SEMA5A: variants seen among roughly 807,000 people sequenced by gnomAD.
SEMA5A encodes the protein semaphorin 5A, also known as semaphorin-5A.
SEMA5A carries 55 observed loss-of-function variants against 135.5 expected under a neutral mutation model. The observed-to-expected ratio is 0.41, with a 90% CI of 0.33 to 0.51. The LOEUF is 0.51. Among genes scored for constraint, SEMA5A ranks in the 20% least tolerant of loss-of-function variants. SEMA5A has a pLI of 0.37. For missense variants in SEMA5A, 1,290 were observed against 1,419.9 expected (o/e 0.91, Z 1.47); for synonymous variants, 580 against 546.5 (o/e 1.06, Z -0.85).
chr5:9,543,487 G>A (rs1204320723), intron 1 of SEMA5A, among the ~76,000 whole-genome samples: 2 of 152,150 alleles, frequency 1.3e-5, no homozygotes, highest in Non-Finnish European at 2.9e-5. Context: ...ACAGAGACAA[G>A]CTTTACCACC....
chr5:9,137,105 C>A (rs62356696), intron 12 of SEMA5A, among the ~76,000 whole-genome samples: 2 of 152,132 alleles, frequency 1.3e-5, no homozygotes, highest in Non-Finnish European at 2.9e-5. Flanking sequence ...GTTACCATCA[C>A]CATAATCATC....
chr5:9,534,372 AAAC>A (rs928398747), intron 1 of SEMA5A, among the ~76,000 whole-genome samples: 4 of 152,260 alleles, frequency 2.6e-5, no homozygotes, highest in Non-Finnish European at 5.9e-5. Context: ...ACTTTTAATT[AAAC>A]AACAACAAAT....
intron 5 of SEMA5A, among the ~76,000 whole-genome samples, chr5:9,258,185 C>G (rs1350887095): frequency 6.6e-6 from 1 of 152,182 alleles, no homozygotes; most frequent in Non-Finnish European, 1.5e-5. Context: ...AAGCTAGAAG[C>G]CTTACCATCG....
At chr5:9,157,769 G>C (rs561913063) in intron 11 of SEMA5A, among the ~76,000 whole-genome samples, 5 of 152,172 alleles carry the variant, frequency 3.3e-5, no homozygotes, top group Non-Finnish European at 7.3e-5. Context: ...CTTTGCCTGA[G>C]GTGACAAATG....
intron 1 of SEMA5A, among the ~76,000 whole-genome samples, chr5:9,507,732 C>T (rs62342574): frequency 0.079 from 12,061 of 152,086 alleles, 521 homozygotes; most frequent in South Asian, 0.098. Context: ...GGGACGGGTG[C>T]GGTGTCTCTC....
chr5:9,511,683 G>A (rs1185491711), intron 1 of SEMA5A, among the ~76,000 whole-genome samples: 2 of 151,934 alleles, frequency 1.3e-5, no homozygotes, highest in Admixed American at 6.6e-5. Context: ...TTAAGACTAG[G>A]TTTTAAGTGA....
chr5:9,415,862 C>T (rs1476968052), intron 2 of SEMA5A, among the ~76,000 whole-genome samples: 1 of 152,162 alleles, frequency 6.6e-6, no homozygotes, highest in African/African-American at 2.4e-5. Flanking sequence ...TCTGATGTAG[C>T]TGAAAGATGC....
intron 2 of SEMA5A, among the ~76,000 whole-genome samples, chr5:9,426,476 T>TA (rs1265118156): frequency 6.0e-5 from 9 of 149,690 alleles, no homozygotes; most frequent in South Asian, 4.2e-4. Flanking sequence ...TAAAATAAAA[T>TA]AAATGTGTAT....
At position 9,444,186 on chromosome 5, in the gene SEMA5A, T is replaced by A. The variant is rs539594069; in HGVS notation, c.-174-6334A>T. On this transcript the variant is annotated intron_variant, in intron 1 of 22. Transcript: ENST00000382496. ...TTTTTTAGTTTATTTTTTTTAATTT[T>A]TTTTTTATTTCCAAAGGTTATTGGG... Among the ~76,000 whole-genome samples the A allele has an allele frequency of 1.2e-3, 176 of 152,312 alleles. 1 individual carries two copies. Among genetic ancestry groups the A allele is most frequent in the Middle Eastern group, 0.01 (3 of 294 alleles).
At chr5:9,508,003 C>A (rs77194151) in intron 1 of SEMA5A, among the ~76,000 whole-genome samples, 14 of 26,330 alleles carry the variant, frequency 5.3e-4, no homozygotes, top group African/African-American at 1.1e-3. Flanking sequence ...GACTCTGTCT[C>A]AAAAAAAAAA....
At chr5:9,170,944 G>A (rs376416914) in intron 11 of SEMA5A, among the ~76,000 whole-genome samples, 11 of 151,908 alleles carry the variant, frequency 7.2e-5, no homozygotes, top group Admixed American at 2.0e-4. Context: ...CTCCTTCCTC[G>A]CCCCCAGACC....
chr5:9,520,437 G>A (rs1736761733), intron 1 of SEMA5A, among the ~76,000 whole-genome samples: 2 of 152,186 alleles, frequency 1.3e-5, no homozygotes, highest in Admixed American at 1.3e-4. Flanking sequence ...GCCTCTTGAA[G>A]GACAGGGCAC....
intron 16 of SEMA5A, among the ~76,000 whole-genome samples, chr5:9,070,096 C>T (rs1449964624): frequency 2.0e-5 from 3 of 152,294 alleles, no homozygotes; most frequent in Non-Finnish European, 2.9e-5. Context: ...CTCGGCCATG[C>T]GTGGTGGCTC....
intron 1 of SEMA5A, among the ~76,000 whole-genome samples, chr5:9,497,348 C>A (rs1294577120): frequency 6.6e-6 from 1 of 152,164 alleles, no homozygotes; most frequent in Non-Finnish European, 1.5e-5. Context: ...TTTATGACTG[C>A]TGCTTTTCTA....
intron 8 of SEMA5A, among the ~76,000 whole-genome samples, chr5:9,208,187 A>G (rs1354473390): frequency 6.6e-6 from 1 of 152,198 alleles, no homozygotes; most frequent in Admixed American, 6.5e-5. Context: ...AACTCCAAAA[A>G]TTAATATAAA....
Position 9,160,339 on chromosome 5 carries a change from C to T in SEMA5A, c.1274-5644G>A, listed in dbSNP as rs146527102. On this transcript the variant is annotated intron_variant, in intron 11 of 22. Coordinates refer to ENST00000382496, the MANE Select transcript of SEMA5A (RefSeq NM_003966.3). ...TCCCTCTGTACATACAAGGTGGACT[C>T]GAGCATCCTTGGGCAAACAGTGAAG... 1.3e-3 allele frequency among the ~76,000 whole-genome samples: 201 copies of T among 152,206 alleles called. 4 individuals are homozygous for T. The East Asian group carries it at 0.027, about 21-fold the overall frequency.
chr5:9,487,907 T>C (rs1476837112), intron 1 of SEMA5A, among the ~76,000 whole-genome samples: 1 of 152,212 alleles, frequency 6.6e-6, no homozygotes, highest in Admixed American at 6.5e-5. Context: ...TACTGAACTC[T>C]TATTTTTCTA....
intron 5 of SEMA5A, among the ~76,000 whole-genome samples, chr5:9,295,688 G>A (rs1440908022): frequency 6.6e-6 from 1 of 152,126 alleles, no homozygotes; most frequent in Admixed American, 6.5e-5. Context: ...ATTTCCTCAT[G>A]CAAAATCAGG....
intron 16 of SEMA5A, among the ~76,000 whole-genome samples, chr5:9,096,742 A>T (rs1739337942): frequency 6.6e-6 from 1 of 152,226 alleles, no homozygotes; most frequent in Non-Finnish European, 1.5e-5. Flanking sequence ...CTCATACAAC[A>T]TGATAAAAAA....
Sources: gnomAD v4.1 joint callset for allele counts (sites outside exome capture counted in the v4.1 genomes callset) on GRCh38, gnomAD v4.1.1 for gene constraint, MANE v1.5 for transcripts, NCBI Gene and HGNC (gene_info 2026-07-23, HGNC 2026-07-21) for gene names.